The following WWOX variants were observed in gnomAD, a reference collection of about 807,000 sequenced individuals.
The protein encoded by WWOX is WW domain containing oxidoreductase.
WWOX carries 69 observed loss-of-function variants against 46.2 expected under a neutral mutation model. That is an observed-to-expected ratio of 1.49 (90% confidence interval 1.23 to 1.82). The LOEUF is 1.82. Ranked by LOEUF, WWOX falls within the 40% of genes most tolerant of loss-of-function variation. The pLI, the probability that WWOX is intolerant of heterozygous loss-of-function variation, is 0.00. For synonymous variants in WWOX, 359 were observed against 202.6 expected (o/e 1.77, Z -6.56); for missense variants, 919 against 542.6 (o/e 1.69, Z -6.89).
intron 5 of WWOX, among the ~76,000 whole-genome samples, chr16:78,170,901 C>A (rs1015124703): frequency 2.6e-5 from 4 of 152,154 alleles, no homozygotes; most frequent in African/African-American, 9.7e-5. Context: ...AGGGAGAGAG[C>A]GCATGCTCAG....
chr16:78,941,462 CTT>C (rs1348761573), intron 8 of WWOX, among the ~76,000 whole-genome samples: 9 of 144,572 alleles, frequency 6.2e-5, no homozygotes, highest in Non-Finnish European at 7.6e-5. Context: ...GAACAAAGTC[CTT>C]TTTTTTTTTT....
chr16:78,523,194 G>GTAATAA lies in WWOX; in HGVS notation c.1056+90444_1056+90449dup, dbSNP rs2043386950. Among the ~76,000 whole-genome samples, 3 of 152,342 alleles carry GTAATAA rather than the reference G, an allele frequency of 2.0e-5. No homozygotes were observed. The South Asian group carries it at 6.2e-4, about 32-fold the overall frequency. On this transcript the variant is annotated intron_variant, in intron 8 of 8. Transcript: ENST00000566780. ...TTTATCAAAGGTGGTGGCAGTAATA[G>GTAATAA]TAATAATTACCATCTTCATTTAAAG...
In WWOX at chr16:78,954,562, C is replaced by T. The variant is rs574238788; in HGVS notation, c.1057-257046C>T. 1.5e-4 allele frequency among the ~76,000 whole-genome samples: 23 copies of T among 152,224 alleles called. No individual in the cohort carries two copies. In the South Asian group the frequency reaches 4.8e-3, roughly 32 times the overall value. ...CCATTTCCTTTATATACTTGTGGAGCAGCAGCGAAGGCCAAGCCAGTGCCA... is the reference window on the plus strand; with the variant it reads ...CCATTTCCTTTATATACTTGTGGAGTAGCAGCGAAGGCCAAGCCAGTGCCA... On this transcript the variant is annotated intron_variant, in intron 8 of 8. Transcript: ENST00000566780.
intron 4 of WWOX, among the ~76,000 whole-genome samples, chr16:78,138,880 C>T (rs1043737809): frequency 2.6e-5 from 4 of 152,188 alleles, no homozygotes; most frequent in Non-Finnish European, 2.9e-5. Context: ...ATCTCTATTA[C>T]CTACAGCTGC....
At chr16:79,032,790 A>G (rs529390907) in intron 8 of WWOX, among the ~76,000 whole-genome samples, 72 of 151,604 alleles carry the variant, frequency 4.7e-4, no homozygotes, top group African/African-American at 1.7e-3. Flanking sequence ...TTTTAAGTTC[A>G]GGGGTCCATG....
chr16:78,660,788 G>T (rs1009431716), intron 8 of WWOX, among the ~76,000 whole-genome samples: 1 of 152,184 alleles, frequency 6.6e-6, no homozygotes, highest in Non-Finnish European at 1.5e-5. Flanking sequence ...TTTAGCATCA[G>T]TTGCAGATAT....
At chr16:78,704,417 G>A (rs547482197) in intron 8 of WWOX, among the ~76,000 whole-genome samples, 3 of 152,184 alleles carry the variant, frequency 2.0e-5, no homozygotes, top group South Asian at 2.1e-4. Flanking sequence ...CACAATACAT[G>A]TAGTGCCAAC....
chr16:78,718,253 C>G (rs1052836945), intron 8 of WWOX, among the ~76,000 whole-genome samples: 3 of 151,748 alleles, frequency 2.0e-5, no homozygotes, highest in African/African-American at 7.3e-5. Context: ...TGTTGTACCA[C>G]AGAGACCATA....
At chr16:78,893,553 C>G (rs1484248732) in intron 8 of WWOX, among the ~76,000 whole-genome samples, 4 of 152,232 alleles carry the variant, frequency 2.6e-5, no homozygotes, top group East Asian at 1.9e-4. Context: ...CTCTCTCAGA[C>G]TCAGCTCCTT....
chr16:79,008,448 C>T (rs2047234129), intron 8 of WWOX, among the ~76,000 whole-genome samples: 5 of 152,270 alleles, frequency 3.3e-5, no homozygotes, highest in African/African-American at 1.2e-4. Flanking sequence ...CTAACTCACT[C>T]AGGGGGGCAA....
At chr16:78,322,418 G>A (rs777213021) in intron 5 of WWOX, among the ~76,000 whole-genome samples, 13 of 152,122 alleles carry the variant, frequency 8.5e-5, no homozygotes, top group African/African-American at 2.9e-4. Context: ...CTGAGTGTTC[G>A]TGATCGCCAG....
At chr16:78,123,440 GT>G (rs60936755) in intron 4 of WWOX, 1,285 of 50,476 alleles carry the variant, frequency 0.025, 143 homozygotes, top group East Asian at 0.16. Context: ...TTTTTGTTTT[GT>G]TTTTTTTTTT....
intron 8 of WWOX, among the ~76,000 whole-genome samples, chr16:78,672,915 C>T (rs1445671064): frequency 6.6e-6 from 1 of 152,210 alleles, no homozygotes; most frequent in Admixed American, 6.5e-5. Context: ...GCTGTGCCTT[C>T]CTCCTTCGTC....
At chr16:79,005,291 C>T (rs185629950) in intron 8 of WWOX, among the ~76,000 whole-genome samples, 20 of 152,296 alleles carry the variant, frequency 1.3e-4, no homozygotes, top group Non-Finnish European at 2.8e-4. Context: ...TTGATGACCC[C>T]TGGGAGGAGA....
intron 8 of WWOX, among the ~76,000 whole-genome samples, chr16:78,512,353 G>T (rs896361481): frequency 6.6e-6 from 1 of 152,148 alleles, no homozygotes; most frequent in African/African-American, 2.4e-5. Flanking sequence ...ACTTTTAAAA[G>T]TATATTTATT....
intron 5 of WWOX, among the ~76,000 whole-genome samples, chr16:78,212,458 C>T (rs544293402): frequency 7.9e-5 from 12 of 152,292 alleles, no homozygotes; most frequent in African/African-American, 2.9e-4. Flanking sequence ...GGAACAACCC[C>T]TTCTTTGACT....
chr16:78,592,024 A>G (rs1195549169), intron 8 of WWOX, among the ~76,000 whole-genome samples: 1 of 152,204 alleles, frequency 6.6e-6, no homozygotes, highest in Non-Finnish European at 1.5e-5. Flanking sequence ...CAAGGTAAGC[A>G]TCGATTTTAC....
At chr16:78,532,751 A>T (rs1437440203) in intron 8 of WWOX, among the ~76,000 whole-genome samples, 1 of 151,866 alleles carries the variant, frequency 6.6e-6, no homozygotes, top group African/African-American at 2.4e-5. Context: ...ATACCGTCAG[A>T]TTCCTTGAGA....
intron 5 of WWOX, among the ~76,000 whole-genome samples, chr16:78,222,726 T>C (rs1218273012): frequency 6.6e-6 from 1 of 152,206 alleles, no homozygotes; most frequent in African/African-American, 2.4e-5. Context: ...CTGGAAGCGT[T>C]TCTCCATGGT....
Sources: gnomAD v4.1 joint callset for allele counts (sites outside exome capture counted in the v4.1 genomes callset) on GRCh38, gnomAD v4.1.1 for gene constraint, MANE v1.5 for transcripts, NCBI Gene and HGNC (gene_info 2026-07-23, HGNC 2026-07-21) for gene names.